VPS16: variants seen among roughly 807,000 people sequenced by gnomAD.
VPS16 encodes the protein VPS16 core subunit of CORVET and HOPS complexes.
VPS16 carries 82 observed loss-of-function variants against 116.0 expected under a neutral mutation model. The observed-to-expected ratio is 0.71, with a 90% CI of 0.59 to 0.85. The LOEUF (loss-of-function observed/expected upper bound fraction) is 0.85, where lower values mean the gene tolerates loss of function less well. Ranked by LOEUF, VPS16 falls within the 40% of genes least tolerant of loss-of-function variation. The probability of loss-of-function intolerance (pLI) is 0.00; values close to 1 mark genes in which losing one functional copy is unlikely to be tolerated. For missense variants in VPS16, 928 were observed against 1,090.6 expected (o/e 0.85, Z 2.10); for synonymous variants, 406 against 420.7 (o/e 0.96, Z 0.43).
intron 1 of VPS16, among the ~76,000 whole-genome samples, chr20:2,842,864 C>CTATA (rs2089015582): frequency 2.7e-5 from 1 of 36,698 alleles, no homozygotes; most frequent in Admixed American, 2.2e-4. Flanking sequence ...ATGTATCTAT[C>CTATA]GATAGATAGA....
chr20:2,846,942 T>G lies in VPS16; in HGVS notation c.53+6115T>G, dbSNP rs1438471573. On this transcript the variant is annotated intron_variant, in intron 1 of 23. Transcript: ENST00000380445. ...TTACTGCTGCTGAGATTTCCACTTC[T>G]GGGACGTAGGAGTGGAGCAGAAAGA... Among the ~76,000 whole-genome samples, 3 of 152,220 alleles carry G rather than the reference T, an allele frequency of 2.0e-5. No individual in the cohort carries two copies. The East Asian group carries it at 5.8e-4, about 29-fold the overall frequency.
chr20:2,859,671 C>A, intron 1 of VPS16, 48 bp from the exon 2 acceptor site: 1 of 1,592,248 alleles, frequency 6.3e-7, no homozygotes, highest in Non-Finnish European at 8.6e-7. Flanking sequence ...TCACTCCATA[C>A]GGATGCAGGG....
chr20:2,860,110 G>A lies in VPS16; in HGVS notation c.199G>A (p.Asp67Asn), dbSNP rs760297252. 24 of 1,614,036 alleles carry A rather than the reference G, an allele frequency of 1.5e-5. No individual in the cohort carries two copies. The highest frequency in any genetic ancestry group is 2.2e-5 in the East Asian group (1 of 44,872). The change falls in exon 3 of 24, where the codon GAT (aspartate) becomes AAT (asparagine). Residue 67 changes from aspartate to asparagine, a missense_variant. Transcript: ENST00000380445. This position sits in a 1 kb window ranked among gnomAD's most constrained non-coding sequence, Gnocchi z 6.1. Reference protein sequence around the residue: ...EKAASVRPVLDIYSASGMPLA... With the variant: ...EKAASVRPVLNIYSASGMPLA... ...AGCTGCTAGTGTGAGGCCAGTGCTC[G>A]ATATATACTCTGCTTCCGGCATGCC...
Position 2,864,047 on chromosome 20 carries a change from A to T in VPS16, c.1575A>T (p.Arg525=). 3 of 1,614,122 alleles carry T rather than the reference A, an allele frequency of 1.9e-6. No homozygotes were observed. The highest frequency in any genetic ancestry group is 2.5e-6 in the Non-Finnish European group (3 of 1,180,000). ...TCTCTTACTCCGACATTGCTGCACGAGCCTATGGTTGTGGCCGCACGGAGC... is the reference window on the plus strand; with the variant it reads ...TCTCTTACTCCGACATTGCTGCACGTGCCTATGGTTGTGGCCGCACGGAGC... ...PGVSYSDIAA[R]AYGCGRTELA... The change falls in exon 16 of 24, where the codon CGA becomes CGT. Residue 525 remains arginine (R), a synonymous_variant. Transcript: ENST00000380445. The surrounding 1 kb of genome is among the most constrained non-coding windows in gnomAD (Gnocchi z 5.2).
intron 1 of VPS16, among the ~76,000 whole-genome samples, chr20:2,847,069 G>C (rs1444547186): frequency 6.6e-6 from 1 of 152,164 alleles, no homozygotes; most frequent in African/African-American, 2.4e-5. Flanking sequence ...TCCATACCCT[G>C]TGCTACCCTC....
At position 2,860,634 on chromosome 20, in the gene VPS16, A is replaced by G. The variant is rs200280808; in HGVS notation, c.514+41A>G. 505 of 1,611,964 alleles carry G rather than the reference A, an allele frequency of 3.1e-4. 1 individual carries two copies. Among genetic ancestry groups the G allele is most frequent in the Non-Finnish European group, 8.2e-5 (97 of 1,179,130 alleles). ...GCTGAGATAGCCAAGCAGTACCCAC[A>G]GATGTGCCTCTAGCCTGTGAGACCC... On this transcript the variant is annotated intron_variant, in intron 5 of 23. Coordinates refer to ENST00000380445, the MANE Select transcript of VPS16 (RefSeq NM_022575.4). This position sits in a 1 kb window ranked among gnomAD's most constrained non-coding sequence, Gnocchi z 6.1.
Position 2,865,067 on chromosome 20 carries a change from C to G in VPS16, c.2004+12C>G, listed in dbSNP as rs747016770. ...AGTTTGCAGCCAAGGTTTGGCCCAC[C>G]TTTTTCCAAGAGCCTCCTCGTCTCC... On this transcript the variant is annotated intron_variant, in intron 20 of 23. Transcript: ENST00000380445. The surrounding 1 kb of genome is among the most constrained non-coding windows in gnomAD (Gnocchi z 5.2). 1 of 1,614,142 alleles carries G rather than the reference C, an allele frequency of 6.2e-7. No individual in the cohort carries two copies. The highest frequency in any genetic ancestry group is 8.5e-7 in the Non-Finnish European group (1 of 1,180,030).
rs2088993955 is a variant in VPS16 at position 2,842,653 on chromosome 20, G to GATAT, written c.53+1829_53+1830insTATA. On this transcript the variant is annotated intron_variant, in intron 1 of 23. Transcript: ENST00000380445. ...ATCTATCTATAGATAGATAGATATA[G>GATAT]ATAGATATATAGATGTATCTATATA... 1.8e-4 allele frequency among the ~76,000 whole-genome samples: 17 copies of GATAT among 92,986 alleles called. No individual in the cohort carries two copies. In the South Asian group the frequency reaches 5.4e-3, roughly 29 times the overall value. 61.0% of individuals were successfully genotyped at this position (92,986 alleles called of 152,430 possible).
intron 1 of VPS16, among the ~76,000 whole-genome samples, chr20:2,846,854 G>A (rs1444266933): frequency 1.3e-5 from 2 of 152,284 alleles, no homozygotes; most frequent in African/African-American, 2.4e-5. Context: ...TGAGGCTACC[G>A]GTACCTCACT....
chr20:2,851,213 G>C (rs951312423), intron 1 of VPS16, among the ~76,000 whole-genome samples: 1 of 152,190 alleles, frequency 6.6e-6, no homozygotes, highest in Non-Finnish European at 1.5e-5. Context: ...CACAAGGGAT[G>C]TAAAGACGTA....
chr20:2,849,829 C>G (rs1442877987), intron 1 of VPS16, among the ~76,000 whole-genome samples: 1 of 152,188 alleles, frequency 6.6e-6, no homozygotes, highest in Non-Finnish European at 1.5e-5. Flanking sequence ...CATTTCACCA[C>G]AGTAAACTGC....
At chr20:2,840,867 C>G in intron 1 of VPS16, 40 bp downstream of exon 1, 1 of 1,534,934 alleles carries the variant, frequency 6.5e-7, no homozygotes, top group Non-Finnish European at 8.8e-7. Flanking sequence ...CTGGCTTACC[C>G]TGCTCGCCCG....
Position 2,863,857 on chromosome 20 carries a change from A to G in VPS16, c.1477-92A>G, listed in dbSNP as rs13038926. 2.1e-5 allele frequency: 31 copies of G among 1,492,148 alleles called. No individual in the cohort carries two copies. The East Asian group carries it at 6.9e-4, about 33-fold the overall frequency. 92.4% of individuals were successfully genotyped at this position (1,492,148 alleles called of 1,614,324 possible). On this transcript the variant is annotated intron_variant, in intron 15 of 23. Transcript: ENST00000380445. The surrounding 1 kb of genome is among the most constrained non-coding windows in gnomAD (Gnocchi z 4.4). Reference sequence around the variant, plus strand: ...AGAAAGAAGAAGGAAGGGAGGGAGGAAGGGAACTGAAGGGGTGGGTCCTAA... The same window carrying G: ...AGAAAGAAGAAGGAAGGGAGGGAGGGAGGGAACTGAAGGGGTGGGTCCTAA...
At chr20:2,842,909 T>TATCTATCGATAGATAGATG (rs1428286703) in intron 1 of VPS16, among the ~76,000 whole-genome samples, 6 of 23,896 alleles carry the variant, frequency 2.5e-4, no homozygotes, top group Admixed American at 3.3e-4. Flanking sequence ...TAGATATATG[T>TATCTATCGATAGATAGATG]TATGGATTGC....
Position 2,864,779 on chromosome 20 carries a change from G to A in VPS16, c.1926+125G>A. ...TCCATCTGGTCCTCACTGTGAGGGA[G>A]ACTCTGACGTGAGGCCAGGATGGGG... On this transcript the variant is annotated intron_variant, in intron 19 of 23. Transcript: ENST00000380445. The surrounding 1 kb of genome is among the most constrained non-coding windows in gnomAD (Gnocchi z 5.2). 1 of 1,195,328 alleles carries A rather than the reference G, an allele frequency of 8.4e-7. No individual in the cohort carries two copies. The highest frequency in any genetic ancestry group is 1.3e-5 in the South Asian group (1 of 75,208). The allele number at this position is 1,195,328 out of a possible 1,614,324, so 74.0% of individuals were successfully genotyped here.
chr20:2,860,577 G>T lies in VPS16; in HGVS notation c.498G>T (p.Arg166=), dbSNP rs1166818047. The change falls in exon 5 of 24, where the codon CGG becomes CGT. Residue 166 remains arginine, a synonymous_variant. Transcript: ENST00000380445. This position sits in a 1 kb window ranked among gnomAD's most constrained non-coding sequence, Gnocchi z 6.1. ...SANVGDLKLR[R]MPEVPGLQSA... ...ATGTGGGTGACCTCAAACTCCGCCG[G>T]ATGCCAGAGGTGCCAGGTAAGCCCT... 2 of 1,613,774 alleles carry T rather than the reference G, an allele frequency of 1.2e-6. No homozygotes were observed. The highest frequency in any genetic ancestry group is 2.2e-5 in the East Asian group (1 of 44,872).
rs765780129 is a variant in VPS16 at position 2,860,869 on chromosome 20, G to T, written c.630+6G>T. ...ATGCAGCCTGCTCCGCAGTGGTAAGGGCCCTGAGTGGGAATGAAGTGGACG... is the reference window on the plus strand; with the variant it reads ...ATGCAGCCTGCTCCGCAGTGGTAAGTGCCCTGAGTGGGAATGAAGTGGACG... On this transcript the variant is annotated splice_donor_region_variant and intron_variant, in intron 6 of 23. Transcript: ENST00000380445. This position sits in a 1 kb window ranked among gnomAD's most constrained non-coding sequence, Gnocchi z 6.1. The T allele has an allele frequency of 6.2e-7, 1 of 1,614,140 alleles. No homozygotes were observed. The highest frequency in any genetic ancestry group is 8.5e-7 in the Non-Finnish European group (1 of 1,180,048).
intron 1 of VPS16, among the ~76,000 whole-genome samples, chr20:2,850,410 T>G (rs893498608): frequency 6.6e-6 from 1 of 151,882 alleles, no homozygotes; most frequent in Non-Finnish European, 1.5e-5. Context: ...GAGCAGATCA[T>G]GAGGTCAAGA....
At chr20:2,859,504 C>G (rs1425468217) in intron 1 of VPS16, among the ~76,000 whole-genome samples, 1 of 152,204 alleles carries the variant, frequency 6.6e-6, no homozygotes, top group Non-Finnish European at 1.5e-5. Flanking sequence ...CTGCCAACAC[C>G]CTCTGCTCCC....
Sources: gnomAD v4.1 joint callset for allele counts (sites outside exome capture counted in the v4.1 genomes callset) on GRCh38, gnomAD v4.1.1 for gene constraint, Gnocchi (gnomAD v3.1) non-coding constraint, MANE v1.5 for transcripts, NCBI Gene and HGNC (gene_info 2026-07-23, HGNC 2026-07-21) for gene names.